Variants in EPS8L2 observed in about 807,000 individuals in gnomAD.
EPS8L2 encodes epidermal growth factor receptor kinase substrate 8-like protein 2.
Under a neutral mutation model 99.4 loss-of-function variants are expected in EPS8L2, and 81 were observed. The ratio of observed to expected loss-of-function variants is 0.82; its 90% CI spans 0.68 to 0.98. The LOEUF is 0.98. Ranked by LOEUF, EPS8L2 falls within the 50% of genes least tolerant of loss-of-function variation. The pLI is 0.00. For synonymous variants in EPS8L2, 509 were observed against 407.3 expected (o/e 1.25, Z -3.01); for missense variants, 1,155 against 968.8 (o/e 1.19, Z -2.55).
At chr11:713,323 G>A (rs553165085) in intron 4 of EPS8L2, among the ~76,000 whole-genome samples, 5 of 152,180 alleles carry the variant, frequency 3.3e-5, no homozygotes, top group African/African-American at 4.8e-5. Context: ...GTGAATCCCC[G>A]ACCTTGGTGG....
rs551384565 is a variant in EPS8L2, at chr11:724,911, G to A, written c.1560+82G>A. On this transcript the variant is annotated intron_variant, in intron 16 of 20. Coordinates refer to ENST00000318562, the MANE Select transcript of EPS8L2 (RefSeq NM_022772.4). This position sits in a 1 kb window ranked among gnomAD's most constrained non-coding sequence, Gnocchi z 5.5. ...GGGGCTACCAGGGGAGGTGGGGAGC[G>A]GTCTAGGGCCAGGCTGGGTGATGCC... 12 of 1,062,374 alleles carry A rather than the reference G, an allele frequency of 1.1e-5. No homozygotes were observed. Among genetic ancestry groups the A allele is most frequent in the Non-Finnish European group, 1.6e-5 (11 of 697,924 alleles). The allele number at this position is 1,062,374 out of a possible 1,614,324, so 65.8% of individuals were successfully genotyped here.
At position 709,312 on chromosome 11, in the gene EPS8L2, G is replaced by C; in HGVS notation, c.-78-18G>C. ...CCAGGCCGGAGGAAGTGTCAGCGCAGCCCTTCTGTCCACCCAGGTGTGGGA... is the reference window on the plus strand; with the variant it reads ...CCAGGCCGGAGGAAGTGTCAGCGCACCCCTTCTGTCCACCCAGGTGTGGGA... On this transcript the variant is annotated intron_variant, in intron 1 of 20. Transcript: ENST00000318562. The C allele has an allele frequency of 7.1e-7, 1 of 1,405,042 alleles. No individual in the cohort carries two copies. Among genetic ancestry groups the C allele is most frequent in the South Asian group, 1.2e-5 (1 of 80,484 alleles). 87.0% of individuals were successfully genotyped at this position (1,405,042 alleles called of 1,614,324 possible).
chr11:719,792 C>T (rs997673152), intron 4 of EPS8L2, among the ~76,000 whole-genome samples: 5 of 152,116 alleles, frequency 3.3e-5, no homozygotes, highest in African/African-American at 4.8e-5. Flanking sequence ...TGAGCCTGCA[C>T]CAGGAGGTGG....
In EPS8L2 at chr11:727,162, C is replaced by T. The variant is rs1256288901; in HGVS notation, c.*181C>T. On this transcript the variant is annotated 3_prime_UTR_variant, in exon 21 of 21. Transcript: ENST00000318562. The stretch of plus-strand genomic sequence containing the variant: ...CCTTAGGCCAAACAGTACCCAAGGC[C>T]TCAGCCCACACCAAGACTAATCTCA... The T allele has an allele frequency of 3.5e-6, 2 of 571,208 alleles. No homozygotes were observed. Among genetic ancestry groups the T allele is most frequent in the African/African-American group, 3.8e-5 (2 of 52,498 alleles). 35.4% of individuals were successfully genotyped at this position (571,208 alleles called of 1,614,324 possible). A position where few individuals can be genotyped will look rare whatever the true frequency, so the allele number is the denominator to read the frequency against.
At position 727,284 on chromosome 11, in the gene EPS8L2, G is replaced by C; in HGVS notation, c.*303G>C. ...GGGGCCTCTTTCTCTGGCCTCCCCT[G>C]TGCACCTGGGGGGTCCTGGCCCCTG... On this transcript the variant is annotated 3_prime_UTR_variant, in exon 21 of 21. Transcript: ENST00000318562. 3.3e-6 allele frequency: 1 copy of C among 298,884 alleles called. No homozygotes were observed. Among genetic ancestry groups the C allele is most frequent in the Non-Finnish European group, 6.4e-6 (1 of 157,014 alleles). The allele number at this position is 298,884 out of a possible 1,614,324, so 18.5% of individuals were successfully genotyped here. A position where few individuals can be genotyped will look rare whatever the true frequency, so the allele number is the denominator to read the frequency against.
In EPS8L2 at chr11:710,435, G is replaced by T. The variant is rs759479219; in HGVS notation, c.114G>T (p.Lys38Asn). The T allele has an allele frequency of 1.2e-6, 2 of 1,613,666 alleles. No homozygotes were observed. The highest frequency in any genetic ancestry group is 2.2e-5 in the South Asian group (2 of 91,086). Residue 38 changes from lysine to asparagine, a missense_variant, in exon 4 of 21, where the codon AAG becomes AAT. Transcript: ENST00000318562. ...SPKDLFEQRK[K>N]YSNSNVIMHE... ...CTCCCGGTTCAGAGCAGAGGAAGAA[G>T]TATTCCAACTCCAACGTCATCATGC...
chr11:725,590 A>G (rs1241525402), intron 16 of EPS8L2, 138 bp from the exon 17 acceptor site: 10 of 784,402 alleles, frequency 1.3e-5, no homozygotes, highest in Admixed American at 4.3e-5. Flanking sequence ...GGGTGGAAAC[A>G]GGGGTGCGGA....
chr11:724,258 C>T lies in EPS8L2; in HGVS notation c.1455-466C>T, dbSNP rs575414549. 4.0e-4 allele frequency among the ~76,000 whole-genome samples: 61 copies of T among 152,324 alleles called. No homozygotes were observed. Among genetic ancestry groups the T allele is most frequent in the African/African-American group, 1.4e-3 (58 of 41,578 alleles). On this transcript the variant is annotated intron_variant, in intron 15 of 20. Coordinates refer to ENST00000318562, the MANE Select transcript of EPS8L2 (RefSeq NM_022772.4). The surrounding 1 kb of genome is among the most constrained non-coding windows in gnomAD (Gnocchi z 5.5). ...CCCCCGCGCTTTTGAGGTGCAGGTC[C>T]CACCCCACAGAGAGGAGCTTGAGAC...
chr11:724,923 G>A lies in EPS8L2; in HGVS notation c.1560+94G>A. The A allele has an allele frequency of 3.2e-6, 3 of 937,828 alleles. No homozygotes were observed. The highest frequency in any genetic ancestry group is 3.9e-5 in the Admixed American group (2 of 51,050). The allele number at this position is 937,828 out of a possible 1,614,324, so 58.1% of individuals were successfully genotyped here. On this transcript the variant is annotated intron_variant, in intron 16 of 20. Transcript: ENST00000318562. This position sits in a 1 kb window ranked among gnomAD's most constrained non-coding sequence, Gnocchi z 5.5. ...GGAGGTGGGGAGCGGTCTAGGGCCA[G>A]GCTGGGTGATGCCAGGACGGGGCAC...
At position 726,896 on chromosome 11, in the gene EPS8L2, C is replaced by G; in HGVS notation, c.2068-5C>G. Reference sequence around the variant, plus strand: ...GCTGAGGATGCCCCCATTTCTCCTCCCTAGAAGCAGCAAAGTGGGTCGGAG... The same window carrying G: ...GCTGAGGATGCCCCCATTTCTCCTCGCTAGAAGCAGCAAAGTGGGTCGGAG... On this transcript the variant is annotated splice_region_variant and splice_polypyrimidine_tract_variant and intron_variant, in intron 20 of 20. Transcript: ENST00000318562. 6.2e-7 allele frequency: 1 copy of G among 1,612,138 alleles called. No individual in the cohort carries two copies. The highest frequency in any genetic ancestry group is 1.1e-5 in the South Asian group (1 of 90,674).
At chr11:721,788 C>T in intron 10 of EPS8L2, 97 bp downstream of exon 10, 1 of 1,489,818 alleles carries the variant, frequency 6.7e-7, no homozygotes, top group Non-Finnish European at 9.3e-7. Flanking sequence ...TCCATGGGGG[C>T]TACTCATGGA....
In EPS8L2 at chr11:720,235, C is replaced by T. The variant is rs778913043; in HGVS notation, c.327+12C>T. ...ACATCGAGTCACAGGTGGGGCCCAG[C>T]GCCACGGGGGACAGGGAGCACAGTG... On this transcript the variant is annotated intron_variant, in intron 5 of 20. Coordinates refer to ENST00000318562, the MANE Select transcript of EPS8L2 (RefSeq NM_022772.4). The T allele has an allele frequency of 4.9e-5, 79 of 1,612,184 alleles. No individual in the cohort carries two copies. The highest frequency in any genetic ancestry group is 5.6e-5 in the Non-Finnish European group (66 of 1,179,550).
chr11:717,310 C>A (rs1862048452), intron 4 of EPS8L2, among the ~76,000 whole-genome samples: 1 of 152,184 alleles, frequency 6.6e-6, no homozygotes, highest in African/African-American at 2.4e-5. Flanking sequence ...CTGCCCACTT[C>A]TTTAACCTGT....
chr11:723,927 A>G (rs546822714), intron 15 of EPS8L2, among the ~76,000 whole-genome samples: 3 of 152,194 alleles, frequency 2.0e-5, no homozygotes, highest in Non-Finnish European at 4.4e-5. Flanking sequence ...ATTTTGGGGT[A>G]AAGAGGGGCC....
At chr11:720,432 G>A in intron 5 of EPS8L2, 165 bp from the exon 6 acceptor site, 2 of 1,219,574 alleles carry the variant, frequency 1.6e-6, no homozygotes, top group South Asian at 1.4e-5. Context: ...TCAGCCTTGC[G>A]GTACAGCTGC....
At position 721,395 on chromosome 11, in the gene EPS8L2, C is replaced by T. The variant is rs1415311755; in HGVS notation, c.768+43C>T. On this transcript the variant is annotated intron_variant, in intron 9 of 20. Transcript: ENST00000318562. The stretch of plus-strand genomic sequence containing the variant: ...GCAGGTGGCCCCTCTCTTCCCCGCC[C>T]CCAGCAGTGGACACTGGTCCTTGCT... 1.2e-5 allele frequency: 19 copies of T among 1,533,830 alleles called. No individual in the cohort carries two copies. In the East Asian group the frequency reaches 4.6e-4, roughly 38 times the overall value.
chr11:715,750 A>C (rs970117026), intron 4 of EPS8L2, among the ~76,000 whole-genome samples: 3 of 148,152 alleles, frequency 2.0e-5, no homozygotes, highest in African/African-American at 7.5e-5. Context: ...CCTCCCAAGT[A>C]GCTGGGACTA....
In EPS8L2 at chr11:725,748, G is replaced by C; in HGVS notation, c.1581G>C (p.Gln527His). 1 of 1,335,966 alleles carries C rather than the reference G, an allele frequency of 7.5e-7. No individual in the cohort carries two copies. 82.8% of individuals were successfully genotyped at this position (1,335,966 alleles called of 1,614,324 possible). Residue 527 changes from glutamine to histidine, a missense_variant, in exon 17 of 21, where the codon CAG (glutamine) becomes CAC (histidine). Physicochemically the swap from Gln to His is conservative, Grantham distance 24. Coordinates refer to ENST00000318562, the MANE Select transcript of EPS8L2 (RefSeq NM_022772.4). ...CGCAGGTGCTGGAGGACGGCCGGCA[G>C]TGGTGGAAGCTGCGCAGCCGCAGCG... ...EVLEVLEDGR[Q>H]WWKLRSRSGQ...
chr11:717,364 G>C (rs1035342731), intron 4 of EPS8L2, among the ~76,000 whole-genome samples: 2 of 152,176 alleles, frequency 1.3e-5, no homozygotes, highest in Admixed American at 1.3e-4. Flanking sequence ...ATTACAAATA[G>C]TTCTGCATTG....
Sources: gnomAD v4.1 joint callset for allele counts (sites outside exome capture counted in the v4.1 genomes callset) on GRCh38, gnomAD v4.1.1 for gene constraint, Gnocchi (gnomAD v3.1) non-coding constraint, MANE v1.5 for transcripts, NCBI Gene and HGNC (gene_info 2026-07-23, HGNC 2026-07-21) for gene names.